The following TOR1AIP2 variants were observed in gnomAD, a reference collection of about 807,000 sequenced individuals.
TOR1AIP2 encodes torsin-1A-interacting protein 2.
In TOR1AIP2, 20 loss-of-function variants were observed where a neutral mutation model predicts 32.6. The ratio of observed to expected loss-of-function variants is 0.61; its 90% CI spans 0.43 to 0.89. The LOEUF is 0.89. TOR1AIP2 is among the 40% of genes least tolerant of loss of function. TOR1AIP2 has a pLI of 0.00. For missense variants in TOR1AIP2, 456 were observed against 553.8 expected (o/e 0.82, Z 1.77); for synonymous variants, 214 against 210.8 (o/e 1.02, Z -0.13).
chr1:179,848,025 T>TC (rs1249891462), intron 5 of TOR1AIP2, among the ~76,000 whole-genome samples: 3 of 130,524 alleles, frequency 2.3e-5, no homozygotes, highest in African/African-American at 9.0e-5. Flanking sequence ...AGAGCAAGAC[T>TC]CCATCTCAGA....
chr1:179,861,511 AT>A, intron 3 of TOR1AIP2: 1 of 984,396 alleles, frequency 1.0e-6, no homozygotes, highest in Non-Finnish European at 1.2e-6. Context: ...TAAAATTAAT[AT>A]TTTTGATTCA....
intron 3 of TOR1AIP2, chr1:179,860,523 C>G: frequency 1.0e-6 from 1 of 985,486 alleles, no homozygotes; most frequent in Non-Finnish European, 1.2e-6. Context: ...CCTTATTCCC[C>G]AGTTCTAACT....
chr1:179,848,974 CAA>C (rs369296501), intron 5 of TOR1AIP2, among the ~76,000 whole-genome samples: 1 of 144,040 alleles, frequency 6.9e-6, no homozygotes, highest in Non-Finnish European at 1.5e-5. Context: ...ACTAAAAATA[CAA>C]AAAAAAAAAA....
intron 2 of TOR1AIP2, among the ~76,000 whole-genome samples, chr1:179,870,222 C>A (rs980880078): frequency 6.6e-6 from 1 of 152,024 alleles, no homozygotes; most frequent in Non-Finnish European, 1.5e-5. Context: ...CATGGTGAAA[C>A]CCTGTCTCTA....
At chr1:179,866,352 A>T (rs965356954) in intron 2 of TOR1AIP2, among the ~76,000 whole-genome samples, 1 of 152,000 alleles carries the variant, frequency 6.6e-6, no homozygotes, top group African/African-American at 2.4e-5. Context: ...GCTAAAAAAA[A>T]GTCAAAAATC....
chr1:179,861,501 T>G, intron 3 of TOR1AIP2: 2 of 984,312 alleles, frequency 2.0e-6, no homozygotes, highest in Non-Finnish European at 2.4e-6. Flanking sequence ...CTCTTAATAT[T>G]AAAATTAATA....
intron 3 of TOR1AIP2, chr1:179,860,035 T>C: frequency 1.4e-6 from 1 of 737,432 alleles, no homozygotes; most frequent in Non-Finnish European, 1.7e-6. Context: ...TTTGTAGAGT[T>C]GGGGGTCTCA....
intron 3 of TOR1AIP2, chr1:179,862,412 T>A: frequency 2.0e-6 from 2 of 985,076 alleles, no homozygotes; most frequent in Non-Finnish European, 2.4e-6. Context: ...ATTAAAGAGT[T>A]AGTGATAAAC....
intron 2 of TOR1AIP2, chr1:179,875,743 T>C (rs1249045542): frequency 6.6e-6 from 1 of 152,098 alleles, no homozygotes; most frequent in African/African-American, 2.4e-5. Flanking sequence ...GCCAGCTCCT[T>C]TAAATATTAG....
chr1:179,863,544 C>G (rs932946649), intron 3 of TOR1AIP2: 1 of 984,550 alleles, frequency 1.0e-6, no homozygotes, highest in Non-Finnish European at 1.2e-6. Flanking sequence ...AACATGGATC[C>G]TAGGCCGGGT....
At chr1:179,859,495 A>G in intron 3 of TOR1AIP2, 10 of 985,426 alleles carry the variant, frequency 1.0e-5, no homozygotes, top group Non-Finnish European at 1.2e-5. Context: ...TCTAGGTTTG[A>G]ATTGTGACTC....
chr1:179,870,091 G>A (rs2148456084), intron 2 of TOR1AIP2, among the ~76,000 whole-genome samples: 1 of 152,238 alleles, frequency 6.6e-6, no homozygotes, highest in East Asian at 1.9e-4. Context: ...TGAATCCTCT[G>A]AAATTACATG....
intron 3 of TOR1AIP2, among the ~76,000 whole-genome samples, chr1:179,858,399 G>C (rs1433749614): frequency 6.6e-6 from 1 of 152,104 alleles, no homozygotes; most frequent in African/African-American, 2.4e-5. Context: ...CAAGGAATAA[G>C]AGAGGGTGTC....
chr1:179,872,302 C>T (rs970300752), intron 2 of TOR1AIP2, among the ~76,000 whole-genome samples: 1 of 152,206 alleles, frequency 6.6e-6, no homozygotes, highest in African/African-American at 2.4e-5. Context: ...AATTTCACTT[C>T]AAAACACCAG....
At chr1:179,868,950 C>G (rs1465650792) in intron 2 of TOR1AIP2, 1 of 152,328 alleles carries the variant, frequency 6.6e-6, no homozygotes, top group Non-Finnish European at 1.5e-5. Flanking sequence ...TCAAGTGATT[C>G]TCTTGCTTCA....
At chr1:179,859,433 T>C (rs1696427573) in intron 3 of TOR1AIP2, 2 of 985,330 alleles carry the variant, frequency 2.0e-6, no homozygotes, top group South Asian at 9.4e-5. Context: ...ATGACACTTT[T>C]AAAAGCTTGT....
rs1695783857 is a variant in TOR1AIP2, at chr1:179,843,288, T to C, written c.*2783A>G. On this transcript the variant is annotated 3_prime_UTR_variant, in exon 7 of 7. Coordinates refer to ENST00000609928, the MANE Select transcript of TOR1AIP2 (RefSeq NM_001199260.2). ...TGAAAGACCAAGGCAGGCGGATCAA[T>C]TGAGGCCAGGAGTTCGAGACCAACC... 6.6e-6 allele frequency: 1 copy of C among 151,858 alleles called. No homozygotes were observed. The highest frequency in any genetic ancestry group is 1.5e-5 in the Non-Finnish European group (1 of 67,962). The allele number at this position is 151,858 out of a possible 1,614,324, so 9.4% of individuals were successfully genotyped here. A position where few individuals can be genotyped will look rare whatever the true frequency, so the allele number is the denominator to read the frequency against.
In TOR1AIP2 at chr1:179,850,831, G is replaced by A; in HGVS notation, c.553+14C>T. The stretch of plus-strand genomic sequence containing the variant: ...CAGTACAAAACAGGAGAGTAGTTCA[G>A]GGGGTTCTCTTACCTGGGGCCAGCA... On this transcript the variant is annotated intron_variant, in intron 5 of 6. Transcript: ENST00000609928. 6.2e-7 allele frequency: 1 copy of A among 1,610,156 alleles called. No individual in the cohort carries two copies. The highest frequency in any genetic ancestry group is 2.2e-5 in the East Asian group (1 of 44,818).
chr1:179,863,939 G>C (rs1291028875), intron 3 of TOR1AIP2: 25 of 985,262 alleles, frequency 2.5e-5, no homozygotes, highest in Admixed American at 6.1e-5. Context: ...TTCTAAGAAA[G>C]ATGCTTCCTC....
Sources: allele counts gnomAD v4.1 joint callset (sites outside exome capture counted in the v4.1 genomes callset), GRCh38; gene constraint gnomAD v4.1.1; transcripts MANE v1.5; gene names NCBI Gene and HGNC (gene_info 2026-07-23, HGNC 2026-07-21).